Variants in SEMA3A observed in about 807,000 individuals in gnomAD.
SEMA3A encodes the protein semaphorin 3A, also known as semaphorin-3A.
A neutral mutation model predicts 97.9 loss-of-function variants in SEMA3A; 29 were observed. The ratio of observed to expected loss-of-function variants is 0.30; its 90% CI spans 0.22 to 0.40. SEMA3A has a LOEUF of 0.40. SEMA3A is among the 10% of genes least tolerant of loss of function. The pLI is 1.00. For missense variants in SEMA3A, 763 were observed against 951.3 expected (o/e 0.80, Z 2.60); for synonymous variants, 321 against 323.7 (o/e 0.99, Z 0.09).
At chr7:84,185,932 C>G (rs1257906135) in intron 1 of SEMA3A, among the ~76,000 whole-genome samples, 1 of 152,110 alleles carries the variant, frequency 6.6e-6, no homozygotes, top group African/African-American at 2.4e-5. Flanking sequence ...ACTGACCACT[C>G]TAGAAGGTCC....
chr7:84,280,712 CG>C (rs1310711984), intron 3 of SEMA3A, among the ~76,000 whole-genome samples: 2 of 151,824 alleles, frequency 1.3e-5, no homozygotes, highest in African/African-American at 4.8e-5. Flanking sequence ...ACCCGGGAGG[CG>C]GAGGTTGTAG....
intron 1 of SEMA3A, among the ~76,000 whole-genome samples, chr7:84,420,796 T>C (rs1368520445): frequency 6.6e-6 from 1 of 152,128 alleles, no homozygotes; most frequent in East Asian, 1.9e-4. Context: ...TATAGTATTC[T>C]TGGATGGTAG....
At chr7:84,249,740 T>C (rs995433241) in intron 3 of SEMA3A, among the ~76,000 whole-genome samples, 2 of 151,386 alleles carry the variant, frequency 1.3e-5, no homozygotes, top group Non-Finnish European at 2.9e-5. Context: ...ACACTAAATA[T>C]GTCATCTTGG....
chr7:84,205,881 T>C (rs1194567466), intron 3 of SEMA3A, among the ~76,000 whole-genome samples: 1 of 152,232 alleles, frequency 6.6e-6, no homozygotes, highest in African/African-American at 2.4e-5. Context: ...CTTACTAAAC[T>C]GAGTCTATCA....
At chr7:84,104,152 G>A (rs1166891621) in intron 4 of SEMA3A, among the ~76,000 whole-genome samples, 1 of 152,046 alleles carries the variant, frequency 6.6e-6, no homozygotes, top group East Asian at 1.9e-4. Flanking sequence ...GATTTCTGGT[G>A]AATCAAGAAG....
chr7:84,126,606 G>C (rs1213848584), intron 3 of SEMA3A, among the ~76,000 whole-genome samples: 1 of 152,052 alleles, frequency 6.6e-6, no homozygotes, highest in Non-Finnish European at 1.5e-5. Context: ...GCTATAAATA[G>C]GTAAATTAGC....
chr7:84,071,946 C>T (rs1440665758), intron 4 of SEMA3A, among the ~76,000 whole-genome samples: 2 of 152,030 alleles, frequency 1.3e-5, no homozygotes, highest in Non-Finnish European at 2.9e-5. Flanking sequence ...CTAATAATTT[C>T]GCCTTCAGGA....
intron 2 of SEMA3A, among the ~76,000 whole-genome samples, chr7:84,335,846 T>C (rs1399527502): frequency 3.3e-5 from 5 of 152,138 alleles, no homozygotes; most frequent in Admixed American, 1.3e-4. Context: ...AAAGGAACTT[T>C]AAGAGTAGAT....
intron 12 of SEMA3A, among the ~76,000 whole-genome samples, chr7:83,988,963 CT>C (rs71522686): frequency 1.4e-5 from 2 of 142,658 alleles, no homozygotes; most frequent in Non-Finnish European, 3.0e-5. Context: ...CGATATTCAG[CT>C]TTTTTAAAAA....
chr7:84,126,298 C>T (rs1429515122), intron 3 of SEMA3A, among the ~76,000 whole-genome samples: 1 of 152,048 alleles, frequency 6.6e-6, no homozygotes, highest in Admixed American at 6.6e-5. Flanking sequence ...CTGCACCTCC[C>T]GGGTTCAAGC....
rs144181875 is a variant in SEMA3A at position 84,046,992 on chromosome 7, A to AT, written c.548-550dup. Among the ~76,000 whole-genome samples, 285 of 152,004 alleles carry AT rather than the reference A, an allele frequency of 1.9e-3. 1 individual carries two copies. Among genetic ancestry groups the AT allele is most frequent in the African/African-American group, 6.6e-3 (275 of 41,480 alleles). The stretch of plus-strand genomic sequence containing the variant: ...AATAACTAATATTTTTCTTGCCAGA[A>AT]TTTTTTTCTTGCTTTTTATTTTTTA... On this transcript the variant is annotated intron_variant, in intron 5 of 16. Coordinates refer to ENST00000265362, the MANE Select transcript of SEMA3A (RefSeq NM_006080.3).
chr7:84,321,798 C>T (rs907248368), intron 2 of SEMA3A, among the ~76,000 whole-genome samples: 2 of 139,932 alleles, frequency 1.4e-5, no homozygotes, highest in African/African-American at 5.4e-5. Flanking sequence ...ATCGTGTGAA[C>T]CGGGGAGGCA....
intron 1 of SEMA3A, among the ~76,000 whole-genome samples, chr7:84,483,597 C>G (rs529445814): frequency 3.3e-5 from 5 of 152,222 alleles, no homozygotes; most frequent in Non-Finnish European, 5.9e-5. Context: ...GGTGCCCCAA[C>G]AGTGCTTTGC....
At chr7:83,962,776 C>CT (rs1328004872) in intron 16 of SEMA3A, among the ~76,000 whole-genome samples, 4 of 152,150 alleles carry the variant, frequency 2.6e-5, no homozygotes, top group Non-Finnish European at 5.9e-5. Context: ...CTACTACTAT[C>CT]TTTTCCCAAC....
intron 3 of SEMA3A, among the ~76,000 whole-genome samples, chr7:84,226,513 A>G (rs559891083): frequency 2.6e-4 from 39 of 152,210 alleles, no homozygotes; most frequent in African/African-American, 7.7e-4. Flanking sequence ...TAACTTTTTC[A>G]ATGTAGTTTG....
chr7:84,263,493 C>T (rs1417553574), intron 3 of SEMA3A, among the ~76,000 whole-genome samples: 1 of 152,208 alleles, frequency 6.6e-6, no homozygotes, highest in African/African-American at 2.4e-5. Context: ...GTATATAACT[C>T]TGTGTCTAAG....
chr7:84,222,815 G>T (rs997250154), intron 3 of SEMA3A, among the ~76,000 whole-genome samples: 1 of 151,850 alleles, frequency 6.6e-6, no homozygotes, highest in Middle Eastern at 3.2e-3. Context: ...AAGGGCAACG[G>T]TTCTCAAATT....
intron 3 of SEMA3A, among the ~76,000 whole-genome samples, chr7:84,206,744 A>C (rs2116310000): frequency 6.6e-6 from 1 of 152,258 alleles, no homozygotes. Flanking sequence ...CCAGCCTCCC[A>C]AAGTGGATAC....
chr7:84,297,141 C>CCGAGTTTT, intron 3 of SEMA3A, among the ~76,000 whole-genome samples: 1 of 152,152 alleles, frequency 6.6e-6, no homozygotes, highest in Admixed American at 6.5e-5. Context: ...CCATGCCCGG[C>CCGAGTTTT]TAACTTTGTA....
Sources: gnomAD v4.1 joint callset for allele counts (sites outside exome capture counted in the v4.1 genomes callset) on GRCh38, gnomAD v4.1.1 for gene constraint, MANE v1.5 for transcripts, NCBI Gene and HGNC (gene_info 2026-07-23, HGNC 2026-07-21) for gene names.